NEU3: variants seen among roughly 807,000 people sequenced by gnomAD.
NEU3 encodes sialidase-3.
NEU3 carries 10 observed loss-of-function variants against 11.4 expected under a neutral mutation model. The ratio of observed to expected loss-of-function variants is 0.88; its 90% CI spans 0.54 to 1.49. The LOEUF is 1.49. NEU3 is among the 40% of genes most tolerant of loss of function. The pLI, the probability that NEU3 is intolerant of heterozygous loss-of-function variation, is 0.00. For missense variants in NEU3, 529 were observed against 581.8 expected, an observed-to-expected ratio of 0.91 and a Z score of 0.93; for synonymous variants, 212 against 228.2, an observed-to-expected ratio of 0.93 and a Z score of 0.64.
intron 2 of NEU3, among the ~76,000 whole-genome samples, chr11:75,001,571 C>G (rs1005436803): frequency 6.6e-6 from 1 of 152,184 alleles, no homozygotes; most frequent in Non-Finnish European, 1.5e-5. Flanking sequence ...GCATAAGCCA[C>G]AGCACCTGGC....
intron 2 of NEU3, among the ~76,000 whole-genome samples, chr11:74,996,612 A>G (rs1193782554): frequency 6.6e-6 from 1 of 152,226 alleles, no homozygotes; most frequent in Non-Finnish European, 1.5e-5. Context: ...TGTTAATATT[A>G]TGACCTCCCA....
chr11:74,991,476 A>T (rs1948731757), intron 1 of NEU3, among the ~76,000 whole-genome samples: 1 of 152,236 alleles, frequency 6.6e-6, no homozygotes, highest in Non-Finnish European at 1.5e-5. Context: ...TGTAGCCAAA[A>T]GCAGTGCAAC....
chr11:75,003,551 C>T (rs1446329354), intron 2 of NEU3, among the ~76,000 whole-genome samples: 3 of 152,164 alleles, frequency 2.0e-5, no homozygotes, highest in Non-Finnish European at 4.4e-5. Flanking sequence ...AGGTAGCATA[C>T]TACATACACT....
chr11:74,992,538 C>T (rs1948744140), intron 1 of NEU3, among the ~76,000 whole-genome samples: 1 of 152,202 alleles, frequency 6.6e-6, no homozygotes, highest in African/African-American at 2.4e-5. Flanking sequence ...TGCTTTTTGT[C>T]TGTCTGGCTT....
downstream of NEU3, among the ~76,000 whole-genome samples, chr11:75,014,736 G>A (rs1305875753): frequency 2.0e-5 from 3 of 151,936 alleles, no homozygotes; most frequent in Non-Finnish European, 1.5e-5. Context: ...GTAGGGGCAC[G>A]CACCTGTAGT....
downstream of NEU3, among the ~76,000 whole-genome samples, chr11:75,012,692 T>G (rs370486872): frequency 1.5e-4 from 23 of 152,240 alleles, no homozygotes; most frequent in African/African-American, 5.3e-4. Flanking sequence ...CCATGAACCA[T>G]GGAGCATTTT....
intron 2 of NEU3, among the ~76,000 whole-genome samples, chr11:75,003,264 T>C (rs1948864510): frequency 6.6e-6 from 1 of 152,168 alleles, no homozygotes; most frequent in Non-Finnish European, 1.5e-5. Context: ...GTCCTTCTGC[T>C]CCATAAGGTT....
chr11:75,014,140 T>C (rs972068551), downstream of NEU3, among the ~76,000 whole-genome samples: 1 of 152,174 alleles, frequency 6.6e-6, no homozygotes, highest in Non-Finnish European at 1.5e-5. Flanking sequence ...TATTTTCCAG[T>C]GCCCCCAAGC....
rs1948910182 is a variant in NEU3 at position 75,007,395 on chromosome 11, A to G, written c.*903A>G. 6.6e-6 allele frequency: 1 copy of G among 152,170 alleles called. No homozygotes were observed. The highest frequency in any genetic ancestry group is 2.1e-4 in the South Asian group (1 of 4,830). The allele number at this position is 152,170 out of a possible 1,614,324, so 9.4% of individuals were successfully genotyped here. A position where few individuals can be genotyped will look rare whatever the true frequency, so the allele number is the denominator to read the frequency against. On this transcript the variant is annotated 3_prime_UTR_variant, in exon 3 of 3. Transcript: ENST00000294064. ...AGAGCGAGAAAATTCAAGAAAATAA[A>G]TGTAGCTGGTGGGAGACTTTGTAGA...
downstream of NEU3, among the ~76,000 whole-genome samples, chr11:75,015,513 T>TC (rs1344248567): frequency 6.6e-6 from 1 of 152,164 alleles, no homozygotes; most frequent in African/African-American, 2.4e-5. Flanking sequence ...CCACTGCCCC[T>TC]CAAGCTTCCC....
intron 1 of NEU3, 119 bp downstream of exon 1, chr11:74,989,273 A>G (rs1338320340): frequency 2.5e-6 from 2 of 799,168 alleles, no homozygotes; most frequent in South Asian, 3.2e-5. Flanking sequence ...AGAGCCACCT[A>G]GTCGGCTAGG....
upstream of NEU3, among the ~76,000 whole-genome samples, chr11:74,985,759 T>C (rs902139714): frequency 2.0e-5 from 3 of 152,238 alleles, no homozygotes; most frequent in African/African-American, 7.2e-5. Context: ...GAGCCCACTT[T>C]GCCCCAACAA....
chr11:75,008,925 C>G lies in NEU3; in HGVS notation c.*2433C>G, dbSNP rs1473648322. 1 of 152,112 alleles carries G rather than the reference C, an allele frequency of 6.6e-6. No homozygotes were observed. Among genetic ancestry groups the G allele is most frequent in the Non-Finnish European group, 1.5e-5 (1 of 68,048 alleles). 9.4% of individuals were successfully genotyped at this position (152,112 alleles called of 1,614,324 possible). A position where few individuals can be genotyped will look rare whatever the true frequency, so the allele number is the denominator to read the frequency against. Reference sequence around the variant, plus strand: ...GGGACCTTGGTCTGTGCCACTGTGACGCAGAGATGTATAATACCAGTACTC... The same window carrying G: ...GGGACCTTGGTCTGTGCCACTGTGAGGCAGAGATGTATAATACCAGTACTC... On this transcript the variant is annotated 3_prime_UTR_variant, in exon 3 of 3. Transcript: ENST00000294064.
chr11:74,982,546 C>CCT, the NEU3 span, among the ~76,000 whole-genome samples: 1 of 152,032 alleles, frequency 6.6e-6, no homozygotes, highest in Non-Finnish European at 1.5e-5. Flanking sequence ...ACTTCTGATC[C>CCT]CTCTCTCTCT....
Position 75,008,067 on chromosome 11 carries a change from T to A in NEU3, c.*1575T>A, listed in dbSNP as rs1251885781. On this transcript the variant is annotated 3_prime_UTR_variant, in exon 3 of 3. Coordinates refer to ENST00000294064, the MANE Select transcript of NEU3 (RefSeq NM_006656.6). Reference sequence around the variant, plus strand: ...GGCTTTTAAAAATCCCCTTAGCCTCTCCTACATTTGCCAAGGTAATCTTCC... The same window carrying A: ...GGCTTTTAAAAATCCCCTTAGCCTCACCTACATTTGCCAAGGTAATCTTCC... 1 of 152,170 alleles carries A rather than the reference T, an allele frequency of 6.6e-6. No homozygotes were observed. Among genetic ancestry groups the A allele is most frequent in the Non-Finnish European group, 1.5e-5 (1 of 68,020 alleles). The allele number at this position is 152,170 out of a possible 1,614,324, so 9.4% of individuals were successfully genotyped here.
At position 75,006,506 on chromosome 11, in the gene NEU3, C is replaced by T. The variant is rs1948902230; in HGVS notation, c.*14C>T. 6.3e-7 allele frequency: 1 copy of T among 1,588,676 alleles called. No homozygotes were observed. On this transcript the variant is annotated 3_prime_UTR_variant, in exon 3 of 3. Coordinates refer to ENST00000294064, the MANE Select transcript of NEU3 (RefSeq NM_006656.6). Reference sequence around the variant, plus strand: ...AAAAGCAATTAATTGGCTTAGGACCCAATTTCCATAGATGCAAATGGCAGT... The same window carrying T: ...AAAAGCAATTAATTGGCTTAGGACCTAATTTCCATAGATGCAAATGGCAGT...
At chr11:75,004,631 C>T (rs898949886) in intron 2 of NEU3, among the ~76,000 whole-genome samples, 3 of 152,110 alleles carry the variant, frequency 2.0e-5, no homozygotes, top group Admixed American at 1.3e-4. Flanking sequence ...TATAATAACT[C>T]CTCTGTGAGG....
In NEU3 at chr11:75,006,617, C is replaced by G. The variant is rs151088237; in HGVS notation, c.*125C>G. 1.9e-3 allele frequency: 2,355 copies of G among 1,219,752 alleles called. 39 individuals are homozygous for G. The highest frequency in any genetic ancestry group is 5.6e-4 in the Non-Finnish European group (508 of 903,210). The allele number at this position is 1,219,752 out of a possible 1,614,324, so 75.6% of individuals were successfully genotyped here. A position where few individuals can be genotyped will look rare whatever the true frequency, so the allele number is the denominator to read the frequency against. On this transcript the variant is annotated 3_prime_UTR_variant, in exon 3 of 3. Coordinates refer to ENST00000294064, the MANE Select transcript of NEU3 (RefSeq NM_006656.6). ...TTCCCTACCTTTTTTCACTTTTCCT[C>G]CTCCAAAGAGCAAAATGAAAATTTT...
Position 75,006,031 on chromosome 11 carries a change from C to T in NEU3, c.925C>T (p.Pro309Ser). The part of the protein sequence containing the change: ...LALSRQLCEP[P>S]HGCQGSVVSF... ...CCTGAGTCGACAGCTCTGTGAGCCC[C>T]CACATGGTTGCCAAGGGAGTGTGGT... Residue 309 changes from proline (P) to serine (S), a missense_variant, in exon 3 of 3, where the codon CCA (proline) becomes TCA (serine). By Grantham distance (74) the Pro-to-Ser change is moderately conservative. Transcript: ENST00000294064. 2 of 1,613,982 alleles carry T rather than the reference C, an allele frequency of 1.2e-6. No individual in the cohort carries two copies. Among genetic ancestry groups the T allele is most frequent in the Middle Eastern group, 1.6e-4 (1 of 6,062 alleles).
Sources: gnomAD v4.1 joint callset for allele counts (sites outside exome capture counted in the v4.1 genomes callset) on GRCh38, gnomAD v4.1.1 for gene constraint, MANE v1.5 for transcripts, NCBI Gene and HGNC (gene_info 2026-07-23, HGNC 2026-07-21) for gene names.